Variants in DIP2B observed in about 807,000 individuals in gnomAD.
DIP2B encodes the protein disco-interacting protein 2 homolog B.
DIP2B carries 76 observed loss-of-function variants against 198.0 expected under a neutral mutation model. The ratio of observed to expected loss-of-function variants is 0.38; its 90% CI spans 0.32 to 0.46. The LOEUF (loss-of-function observed/expected upper bound fraction) is 0.46, where lower values mean the gene tolerates loss of function less well. DIP2B is among the 20% of genes least tolerant of loss of function. DIP2B has a pLI of 0.99. For synonymous variants in DIP2B, 701 were observed against 739.1 expected (o/e 0.95, Z 0.84); for missense variants, 1,559 against 1,978.4 (o/e 0.79, Z 4.02).
chr12:50,730,412 T>C (rs1403516960), intron 30 of DIP2B, among the ~76,000 whole-genome samples: 2 of 149,370 alleles, frequency 1.3e-5, no homozygotes, highest in East Asian at 3.9e-4. Flanking sequence ...GGAGACAGGG[T>C]CTCAATCTGT....
intron 7 of DIP2B, 135 bp downstream of exon 7, chr12:50,675,583 C>CTTT (rs1164448190): frequency 2.4e-6 from 2 of 819,676 alleles, no homozygotes; most frequent in East Asian, 5.6e-5. Context: ...ATTTTCTGCT[C>CTTT]TTTTTTCCCT....
intron 1 of DIP2B, among the ~76,000 whole-genome samples, chr12:50,582,464 T>TC (rs1430301577): frequency 6.6e-6 from 1 of 152,196 alleles, no homozygotes; most frequent in Non-Finnish European, 1.5e-5. Context: ...AGCTTTTTTT[T>TC]CTGATTAGTT....
intron 1 of DIP2B, among the ~76,000 whole-genome samples, chr12:50,512,370 G>C (rs2139340977): frequency 6.6e-6 from 1 of 152,192 alleles, no homozygotes; most frequent in African/African-American, 2.4e-5. Flanking sequence ...GCCTCCCAGA[G>C]TCCCGGGATT....
intron 1 of DIP2B, among the ~76,000 whole-genome samples, chr12:50,509,735 CT>C (rs1406669576): frequency 6.6e-6 from 1 of 152,160 alleles, no homozygotes; most frequent in East Asian, 1.9e-4. Flanking sequence ...GGCAGTTAGA[CT>C]TAAGCCACCA....
chr12:50,670,613 C>T (rs937290692), intron 4 of DIP2B, among the ~76,000 whole-genome samples: 1 of 152,052 alleles, frequency 6.6e-6, no homozygotes, highest in African/African-American at 2.4e-5. Flanking sequence ...GATGGGGTTT[C>T]ACCGTGTTGG....
chr12:50,536,610 CTGGCTGGAGTGCAG>C (rs1958269883), intron 1 of DIP2B, among the ~76,000 whole-genome samples: 1 of 151,750 alleles, frequency 6.6e-6, no homozygotes. Flanking sequence ...CTTTGTCACC[CTGGCTGGAGTGCAG>C]TGGCGTGGTC....
chr12:50,584,121 A>G (rs1958748834), intron 1 of DIP2B, among the ~76,000 whole-genome samples: 2 of 152,112 alleles, frequency 1.3e-5, no homozygotes, highest in South Asian at 2.1e-4. Context: ...ACCCACTTCC[A>G]TGGCTTTAAA....
chr12:50,560,126 A>C (rs1958506118), intron 1 of DIP2B, among the ~76,000 whole-genome samples: 1 of 151,984 alleles, frequency 6.6e-6, no homozygotes, highest in African/African-American at 2.4e-5. Context: ...AAAATACAAA[A>C]AATTAGCCCT....
intron 4 of DIP2B, among the ~76,000 whole-genome samples, chr12:50,664,822 C>T (rs1252626977): frequency 6.1e-5 from 8 of 131,872 alleles, no homozygotes; most frequent in South Asian, 4.9e-4. Context: ...AATTTCCCTC[C>T]TTTTTTGGTT....
intron 7 of DIP2B, among the ~76,000 whole-genome samples, chr12:50,676,821 A>G (rs1385729371): frequency 6.6e-6 from 1 of 152,258 alleles, no homozygotes; most frequent in African/African-American, 2.4e-5. Flanking sequence ...TAGTCTGTCC[A>G]AACAAATACA....
At chr12:50,705,949 TTA>T (rs1939505883) in intron 20 of DIP2B, among the ~76,000 whole-genome samples, 1 of 152,194 alleles carries the variant, frequency 6.6e-6, no homozygotes, top group Non-Finnish European at 1.5e-5. Context: ...TCTGGGAAGA[TTA>T]TTTATACAGT....
At chr12:50,521,234 G>A (rs1958115811) in intron 1 of DIP2B, among the ~76,000 whole-genome samples, 1 of 150,892 alleles carries the variant, frequency 6.6e-6, no homozygotes, top group Non-Finnish European at 1.5e-5. Context: ...AGCCTCCTGA[G>A]TAGCTGAGAT....
At chr12:50,603,208 CTA>C (rs1958953748) in intron 1 of DIP2B, among the ~76,000 whole-genome samples, 1 of 151,602 alleles carries the variant, frequency 6.6e-6, no homozygotes, top group African/African-American at 2.4e-5. Flanking sequence ...TCACACATAA[CTA>C]TTTTTTCTCA....
chr12:50,526,626 CTTTTTTTTTTTT>C (rs11423846), intron 1 of DIP2B, among the ~76,000 whole-genome samples: 6 of 64,180 alleles, frequency 9.3e-5, no homozygotes, highest in South Asian at 1.9e-3. Context: ...TTTCCTCTGC[CTTTTTTTTTTTT>C]TTTTTTTTTT....
intron 1 of DIP2B, among the ~76,000 whole-genome samples, chr12:50,523,133 T>C (rs111549531): frequency 2.0e-3 from 310 of 152,326 alleles, no homozygotes; most frequent in African/African-American, 7.1e-3. Flanking sequence ...TGTTCCTTTC[T>C]TCGTAGGGGA....
At chr12:50,636,784 T>G (rs1309948370) in intron 2 of DIP2B, among the ~76,000 whole-genome samples, 2 of 152,188 alleles carry the variant, frequency 1.3e-5, no homozygotes, top group Non-Finnish European at 2.9e-5. Context: ...TCTTTTAGCC[T>G]CATGCACTGT....
At chr12:50,735,760 G>A (rs1375860050) in intron 34 of DIP2B, among the ~76,000 whole-genome samples, 5 of 152,122 alleles carry the variant, frequency 3.3e-5, no homozygotes, top group African/African-American at 1.2e-4. Flanking sequence ...CACTATGCCC[G>A]GCCCGGTTCT....
In DIP2B at chr12:50,697,185, A is replaced by G. The variant is rs777186070; in HGVS notation, c.2048+10A>G. 3.1e-6 allele frequency: 5 copies of G among 1,611,694 alleles called. No individual in the cohort carries two copies. The highest frequency in any genetic ancestry group is 3.4e-6 in the Non-Finnish European group (4 of 1,178,238). On this transcript the variant is annotated intron_variant, in intron 17 of 37. Transcript: ENST00000301180. ...CTGTAGCAATCCGCAGGTACTGTTC[A>G]GGATGTCAGATGCTCTTGATGTATG...
At chr12:50,701,489 C>T (rs1939416380) in intron 19 of DIP2B, among the ~76,000 whole-genome samples, 1 of 152,204 alleles carries the variant, frequency 6.6e-6, no homozygotes, top group African/African-American at 2.4e-5. Flanking sequence ...TCAAACAATT[C>T]TCCTGCCTTA....
Sources: gnomAD v4.1 joint callset for allele counts (sites outside exome capture counted in the v4.1 genomes callset) on GRCh38, gnomAD v4.1.1 for gene constraint, MANE v1.5 for transcripts, NCBI Gene and HGNC (gene_info 2026-07-23, HGNC 2026-07-21) for gene names.